FBLN5: variants seen among roughly 807,000 people sequenced by gnomAD.
FBLN5 encodes fibulin 5.
In FBLN5, 24 loss-of-function variants were observed where a neutral mutation model predicts 61.6. The observed-to-expected ratio is 0.39, with a 90% CI of 0.28 to 0.55. The LOEUF (loss-of-function observed/expected upper bound fraction) is 0.55. Ranked by LOEUF, FBLN5 falls within the 20% of genes least tolerant of loss-of-function variation. The probability of loss-of-function intolerance (pLI) is 0.65; values close to 1 mark genes in which losing one functional copy is unlikely to be tolerated. For synonymous variants in FBLN5, 213 were observed against 219.8 expected (o/e 0.97, Z 0.27); for missense variants, 470 against 594.1 (o/e 0.79, Z 2.17).
intron 4 of FBLN5, among the ~76,000 whole-genome samples, chr14:91,915,970 A>G (rs1482562079): frequency 6.6e-6 from 1 of 152,216 alleles, no homozygotes; most frequent in African/African-American, 2.4e-5. Context: ...ATTCTACTTT[A>G]TAGACATTAA....
chr14:91,920,016 G>A (rs1286653180), intron 4 of FBLN5, among the ~76,000 whole-genome samples: 1 of 152,144 alleles, frequency 6.6e-6, no homozygotes, highest in Non-Finnish European at 1.5e-5. Flanking sequence ...CAGAGTTCTT[G>A]TTGACTAGAA....
chr14:91,894,413 A>C (rs1175567171), intron 5 of FBLN5, among the ~76,000 whole-genome samples: 3 of 146,480 alleles, frequency 2.0e-5, no homozygotes, highest in Non-Finnish European at 4.5e-5. Context: ...AAAAAAAAAA[A>C]AAAAAAAAAA....
chr14:91,894,923 C>A, intron 5 of FBLN5, 27 bp downstream of exon 5: 1 of 1,571,132 alleles, frequency 6.4e-7, no homozygotes, highest in Non-Finnish European at 8.7e-7. Context: ...TCCAAGAGTC[C>A]CTGTGACCCC....
intron 4 of FBLN5, among the ~76,000 whole-genome samples, chr14:91,926,295 T>C (rs2140031517): frequency 6.6e-6 from 1 of 152,308 alleles, no homozygotes; most frequent in Non-Finnish European, 1.5e-5. Context: ...GGCCCAGGGC[T>C]GGCTGCTGGA....
intron 4 of FBLN5, among the ~76,000 whole-genome samples, chr14:91,899,230 C>A (rs1210140600): frequency 1.3e-5 from 2 of 152,260 alleles, no homozygotes; most frequent in East Asian, 3.9e-4. Flanking sequence ...TGTATGGTAC[C>A]CAGAAGCAGA....
chr14:91,933,307 C>T (rs2055958253), intron 4 of FBLN5, among the ~76,000 whole-genome samples: 1 of 152,020 alleles, frequency 6.6e-6, no homozygotes, highest in Admixed American at 6.6e-5. Flanking sequence ...CAGAGTCTTG[C>T]TCTGTCGCCC....
chr14:91,875,239 G>A (rs937941183), intron 10 of FBLN5, among the ~76,000 whole-genome samples: 6 of 152,188 alleles, frequency 3.9e-5, no homozygotes, highest in Non-Finnish European at 7.3e-5. Flanking sequence ...CAAGGATGCA[G>A]AAAGTGGTAC....
At chr14:91,923,490 A>G (rs945392333) in intron 4 of FBLN5, among the ~76,000 whole-genome samples, 2 of 152,228 alleles carry the variant, frequency 1.3e-5, no homozygotes, top group Non-Finnish European at 2.9e-5. Flanking sequence ...AAGACTGCTC[A>G]ACATGCAGTG....
chr14:91,942,003 A>G (rs1426444504), intron 2 of FBLN5: 3 of 360,164 alleles, frequency 8.3e-6, no homozygotes, highest in Non-Finnish European at 1.6e-5. Context: ...ATGCTTCAAA[A>G]TTCTTAATAT....
chr14:91,906,756 C>G (rs1382522439), intron 4 of FBLN5, among the ~76,000 whole-genome samples: 1 of 152,204 alleles, frequency 6.6e-6, no homozygotes, highest in East Asian at 1.9e-4. Context: ...GCTGACCTGC[C>G]AGACCACCCT....
At position 91,870,021 on chromosome 14, in the gene FBLN5, A is replaced by T; in HGVS notation, c.*203T>A. 1 of 617,736 alleles carries T rather than the reference A, an allele frequency of 1.6e-6. No individual in the cohort carries two copies. The highest frequency in any genetic ancestry group is 2.9e-6 in the Non-Finnish European group (1 of 340,664). The allele number at this position is 617,736 out of a possible 1,614,324, so 38.3% of individuals were successfully genotyped here. The stretch of plus-strand genomic sequence containing the variant: ...TAATACTTTTTGATAACTGTGTCAT[A>T]GGAACTGGGGGTGGCAAGTCCTGCA... On this transcript the variant is annotated 3_prime_UTR_variant, in exon 11 of 11. Coordinates refer to ENST00000342058, the MANE Select transcript of FBLN5 (RefSeq NM_006329.4).
At chr14:91,899,143 C>CAT (rs1890351289) in intron 4 of FBLN5, among the ~76,000 whole-genome samples, 2 of 149,926 alleles carry the variant, frequency 1.3e-5, no homozygotes, top group Middle Eastern at 3.5e-3. Context: ...GCTGTGTGTT[C>CAT]GTGTGTGTGT....
At chr14:91,937,629 A>C (rs2056041193) in intron 3 of FBLN5, among the ~76,000 whole-genome samples, 1 of 152,162 alleles carries the variant, frequency 6.6e-6, no homozygotes, top group South Asian at 2.1e-4. Context: ...CTTTCTAAGA[A>C]GAGGAAGAGA....
chr14:91,940,658 C>T (rs2056091111), intron 2 of FBLN5, 42 bp from the exon 3 acceptor site: 4 of 1,579,452 alleles, frequency 2.5e-6, no homozygotes, highest in African/African-American at 1.3e-5. Context: ...GGTCATTTCA[C>T]ACCATAAAAG....
At chr14:91,878,111 G>A in intron 9 of FBLN5, 1 of 383,228 alleles carries the variant, frequency 2.6e-6, no homozygotes, top group Non-Finnish European at 5.0e-6. Flanking sequence ...CAGGTCTTGG[G>A]GATCCTTGTA....
chr14:91,922,958 G>A (rs531873764), intron 4 of FBLN5, among the ~76,000 whole-genome samples: 1 of 152,330 alleles, frequency 6.6e-6, no homozygotes, highest in South Asian at 2.1e-4. Context: ...TGGAGGTGAT[G>A]TAATTATGAG....
At position 91,870,362 on chromosome 14, in the gene FBLN5, G is replaced by T. The variant is rs754603018; in HGVS notation, c.1209C>A (p.Thr403=). The T allele has an allele frequency of 2.5e-6, 4 of 1,613,940 alleles. No homozygotes were observed. Among genetic ancestry groups the T allele is most frequent in the Non-Finnish European group, 3.4e-6 (4 of 1,180,046 alleles). ...CTTTGATGGGGCGTGTCATCACCAG[G>T]GTGGCACTGATGGGGCCCGTTTGCT... ...YMRQTGPISA[T]LVMTRPIKGP... Residue 403 remains threonine, a synonymous_variant, in exon 11 of 11, where the codon ACC becomes ACA. Transcript: ENST00000342058.
In FBLN5 at chr14:91,882,271, C is replaced by T. The variant is rs1889514257; in HGVS notation, c.862+683G>A. ...AATGTAAAATTACATAGATGGCTCA[C>T]ATCTGTAGCTCACATGATATTTCTA... On this transcript the variant is annotated intron_variant, in intron 8 of 10. Coordinates refer to ENST00000342058, the MANE Select transcript of FBLN5 (RefSeq NM_006329.4). The surrounding 1 kb of genome is among the most constrained non-coding windows in gnomAD (Gnocchi z 4.9). Among the ~76,000 whole-genome samples the T allele has an allele frequency of 1.3e-5, 2 of 152,352 alleles. No homozygotes were observed. The highest frequency in any genetic ancestry group is 1.9e-4 in the East Asian group (1 of 5,188).
chr14:91,887,048 TCTG>T, intron 7 of FBLN5, 142 bp downstream of exon 7: 1 of 870,148 alleles, frequency 1.1e-6, no homozygotes, highest in Non-Finnish European at 1.9e-6. Context: ...TCTGTGTGAT[TCTG>T]ACCCCACTGC....
Sources: gnomAD v4.1 joint callset for allele counts (sites outside exome capture counted in the v4.1 genomes callset) on GRCh38, gnomAD v4.1.1 for gene constraint, Gnocchi (gnomAD v3.1) non-coding constraint, MANE v1.5 for transcripts, NCBI Gene and HGNC (gene_info 2026-07-23, HGNC 2026-07-21) for gene names.